Variants in EML6 observed in about 807,000 individuals in gnomAD.
The protein encoded by EML6 is echinoderm microtubule-associated protein-like 6.
Under a neutral mutation model 240.1 loss-of-function variants are expected in EML6, and 154 were observed. The ratio of observed to expected loss-of-function variants is 0.64; its 90% CI spans 0.56 to 0.73. The LOEUF is 0.73. Among genes scored for constraint, EML6 ranks in the 30% least tolerant of loss-of-function variants. EML6 has a pLI of 0.00. For synonymous variants in EML6, 1,148 were observed against 899.0 expected, an observed-to-expected ratio of 1.28 and a Z score of -4.95; for missense variants, 2,964 against 2,474.6, an observed-to-expected ratio of 1.20 and a Z score of -4.20.
intron 2 of EML6, among the ~76,000 whole-genome samples, chr2:54,741,559 A>G (rs1400154874): frequency 6.6e-6 from 1 of 152,164 alleles, no homozygotes; most frequent in Non-Finnish European, 1.5e-5. Context: ...GTTTCTAAAG[A>G]CTGTTCTCCA....
intron 32 of EML6, among the ~76,000 whole-genome samples, chr2:54,956,633 T>TC (rs55722799): frequency 0.55 from 83,564 of 151,864 alleles, 26,524 homozygotes; most frequent in Middle Eastern, 0.71. Context: ...TCTCTGTGGG[T>TC]CCCCCTAGCC....
chr2:54,891,918 A>G (rs1382532908), intron 18 of EML6, among the ~76,000 whole-genome samples: 1 of 152,162 alleles, frequency 6.6e-6, no homozygotes, highest in African/African-American at 2.4e-5. Context: ...CCCGTATACT[A>G]CCTTTTCCTA....
chr2:54,895,938 A>G (rs1672738873), intron 21 of EML6, among the ~76,000 whole-genome samples: 1 of 152,274 alleles, frequency 6.6e-6, no homozygotes, highest in Non-Finnish European at 1.5e-5. Context: ...TAATTATGTC[A>G]TCACATATGT....
At chr2:54,848,104 C>T in intron 9 of EML6, among the ~76,000 whole-genome samples, 1 of 152,072 alleles carries the variant, frequency 6.6e-6, no homozygotes. Context: ...AAAGCAGCAC[C>T]CAACAGCACC....
At chr2:54,932,725 C>A (rs1346252368) in intron 28 of EML6, among the ~76,000 whole-genome samples, 1 of 146,330 alleles carries the variant, frequency 6.8e-6, no homozygotes, top group Admixed American at 6.7e-5. Flanking sequence ...AGGTATGGTG[C>A]CCAAATCCTG....
intron 11 of EML6, 45 bp from the exon 12 acceptor site, chr2:54,859,489 C>A: frequency 6.8e-7 from 1 of 1,479,528 alleles, no homozygotes; most frequent in Non-Finnish European, 9.2e-7. Context: ...AACTAATGAA[C>A]TCTTCTTTTT....
chr2:54,773,459 G>C (rs548101712), intron 2 of EML6, among the ~76,000 whole-genome samples: 1 of 152,368 alleles, frequency 6.6e-6, no homozygotes, highest in East Asian at 1.9e-4. Flanking sequence ...TCCTGGGCCA[G>C]TGGCAGATCA....
At chr2:54,827,470 G>C in intron 5 of EML6, 96 bp from the exon 6 acceptor site, 3 of 1,021,914 alleles carry the variant, frequency 2.9e-6, no homozygotes, top group South Asian at 1.5e-5. Flanking sequence ...CTTGGATAGA[G>C]CACATTATGT....
chr2:54,963,989 C>T lies in EML6; in HGVS notation c.5161C>T (p.Leu1721=). Reference sequence around the variant, plus strand: ...ACTTTCCTTTGCATCAATGTAGAAGCTGTTAAACAAGGTGAGCTTGGGCCA... The same window carrying T: ...ACTTTCCTTTGCATCAATGTAGAAGTTGTTAAACAAGGTGAGCTTGGGCCA... ...ARIWDLADKK[L]LNKVSLGHAA... The change falls in exon 37 of 42, where the codon CTG becomes TTG. Residue 1721 remains leucine, a synonymous_variant. Transcript: ENST00000356458. The T allele has an allele frequency of 2.6e-6, 4 of 1,549,778 alleles. No homozygotes were observed. Among genetic ancestry groups the T allele is most frequent in the Non-Finnish European group, 3.5e-6 (4 of 1,146,246 alleles).
intron 10 of EML6, 44 bp from the exon 11 acceptor site, chr2:54,853,599 T>C (rs895154789): frequency 4.2e-6 from 5 of 1,202,306 alleles, no homozygotes; most frequent in South Asian, 1.8e-5. Context: ...TAAATTAGAA[T>C]AAACTTTTTA....
At chr2:54,744,073 A>G (rs1302259521) in intron 2 of EML6, among the ~76,000 whole-genome samples, 1 of 150,304 alleles carries the variant, frequency 6.7e-6, no homozygotes, top group Non-Finnish European at 1.5e-5. Flanking sequence ...AAGACAATGC[A>G]TTGGACAATT....
At chr2:54,787,189 G>A (rs1205955932) in intron 2 of EML6, among the ~76,000 whole-genome samples, 1 of 152,052 alleles carries the variant, frequency 6.6e-6, no homozygotes, top group Admixed American at 6.6e-5. Context: ...GGGGTTGGTA[G>A]TTCTCGAAGT....
At chr2:54,753,767 G>A (rs1464426528) in intron 2 of EML6, among the ~76,000 whole-genome samples, 1 of 150,760 alleles carries the variant, frequency 6.6e-6, no homozygotes, top group Non-Finnish European at 1.5e-5. Flanking sequence ...CAGGCCTCAA[G>A]CTCAAGTGAT....
intron 2 of EML6, among the ~76,000 whole-genome samples, chr2:54,803,445 C>T (rs1416149528): frequency 6.6e-6 from 1 of 152,104 alleles, no homozygotes; most frequent in East Asian, 1.9e-4. Context: ...TTGCCTCATA[C>T]CTTCGTCAAG....
intron 17 of EML6, among the ~76,000 whole-genome samples, chr2:54,886,694 T>A (rs561377373): frequency 1.5e-4 from 23 of 152,346 alleles, no homozygotes; most frequent in African/African-American, 5.5e-4. Flanking sequence ...GCTAATGATG[T>A]TGAGCATGTT....
intron 36 of EML6, among the ~76,000 whole-genome samples, chr2:54,963,453 G>A (rs1436340416): frequency 6.6e-6 from 1 of 152,136 alleles, no homozygotes; most frequent in Non-Finnish European, 1.5e-5. Flanking sequence ...TATTAACATC[G>A]CTATTAGTAA....
intron 2 of EML6, among the ~76,000 whole-genome samples, chr2:54,811,425 G>T (rs899708176): frequency 6.6e-6 from 1 of 152,128 alleles, no homozygotes; most frequent in Non-Finnish European, 1.5e-5. Context: ...ATATGAACTC[G>T]TGTCTTCCCT....
chr2:54,884,421 C>A (rs574387528), intron 17 of EML6, among the ~76,000 whole-genome samples: 1 of 152,126 alleles, frequency 6.6e-6, no homozygotes, highest in South Asian at 2.1e-4. Context: ...TACCAACTGG[C>A]GATGGGTGAG....
intron 2 of EML6, among the ~76,000 whole-genome samples, chr2:54,779,599 C>T (rs1291869596): frequency 6.8e-6 from 1 of 147,600 alleles, no homozygotes; most frequent in African/African-American, 2.5e-5. Context: ...TGGTAGCTTA[C>T]ACCTGTAATC....
Sources: allele counts gnomAD v4.1 joint callset (sites outside exome capture counted in the v4.1 genomes callset), GRCh38; gene constraint gnomAD v4.1.1; transcripts MANE v1.5; gene names NCBI Gene and HGNC (gene_info 2026-07-23, HGNC 2026-07-21).